CNTLN: variants seen among roughly 807,000 people sequenced by gnomAD.
CNTLN encodes centlein, centrosomal protein.
Under a neutral mutation model 180.0 loss-of-function variants are expected in CNTLN, and 212 were observed. That is an observed-to-expected ratio of 1.18 (90% CI 1.05 to 1.32). The LOEUF (loss-of-function observed/expected upper bound fraction) is 1.32, where lower values mean the gene tolerates loss of function less well. Among genes scored for constraint, CNTLN ranks in the 40% most tolerant of loss-of-function variants. The pLI, the probability that CNTLN is intolerant of heterozygous loss-of-function variation, is 0.00. For synonymous variants in CNTLN, 722 were observed against 563.1 expected (o/e 1.28, Z -3.99); for missense variants, 2,095 against 1,610.9 (o/e 1.30, Z -5.14).
At chr9:17,228,964 A>G (rs896555084) in intron 3 of CNTLN, among the ~76,000 whole-genome samples, 1 of 152,070 alleles carries the variant, frequency 6.6e-6, no homozygotes, top group Admixed American at 6.6e-5. Context: ...AATTCCATTT[A>G]GAGATTTTTA....
chr9:17,432,852 C>A lies in CNTLN; in HGVS notation c.3114+16663C>A, dbSNP rs142508429. Among the ~76,000 whole-genome samples, 1,222 of 151,628 alleles carry A rather than the reference C, an allele frequency of 8.1e-3. 13 individuals carry two copies. Among genetic ancestry groups the A allele is most frequent in the Non-Finnish European group, 0.012 (832 of 67,836 alleles). On this transcript the variant is annotated intron_variant, in intron 18 of 25. Coordinates refer to ENST00000380647, the MANE Select transcript of CNTLN (RefSeq NM_017738.4). ...CTGACCAACATAGCAAAACCCCGTC[C>A]CTACTAAAAATACAAACAATTAGCC...
chr9:17,434,484 A>G (rs1287741678), intron 18 of CNTLN, among the ~76,000 whole-genome samples: 1 of 151,978 alleles, frequency 6.6e-6, no homozygotes, highest in Non-Finnish European at 1.5e-5. Context: ...TGACTTGTGT[A>G]TTATTTAAAA....
intron 16 of CNTLN, among the ~76,000 whole-genome samples, chr9:17,413,846 A>G (rs571392985): frequency 1.3e-5 from 2 of 152,322 alleles, no homozygotes; most frequent in African/African-American, 2.4e-5. Flanking sequence ...CAACCCAGCT[A>G]TCACACCCTT....
At chr9:17,147,022 C>A (rs1370532137) in intron 2 of CNTLN, among the ~76,000 whole-genome samples, 1 of 152,102 alleles carries the variant, frequency 6.6e-6, no homozygotes, top group Non-Finnish European at 1.5e-5. Flanking sequence ...GTATAATGAA[C>A]CTTCACTGCC....
intron 7 of CNTLN, among the ~76,000 whole-genome samples, chr9:17,306,312 G>C (rs999109753): frequency 1.3e-5 from 2 of 152,012 alleles, no homozygotes; most frequent in African/African-American, 4.8e-5. Flanking sequence ...ACCATGCCCA[G>C]CTAATTTTGT....
chr9:17,457,553 G>A lies in CNTLN; in HGVS notation c.3144G>A (p.Arg1048=), dbSNP rs1365567928. ...TAAATTTGGATTTGGCTGGGCTTCG[G>A]AAAGAAAAAGAAGATTTACTAAAGA... ...KKLNLDLAGL[R]KEKEDLLKKL... The change falls in exon 19 of 26, where the codon CGG becomes CGA. Residue 1048 remains arginine (R), a synonymous_variant. Transcript: ENST00000380647. The A allele has an allele frequency of 6.6e-7, 1 of 1,508,886 alleles. No homozygotes were observed. Among genetic ancestry groups the A allele is most frequent in the Non-Finnish European group, 8.9e-7 (1 of 1,126,164 alleles). 93.5% of individuals were successfully genotyped at this position (1,508,886 alleles called of 1,614,324 possible).
At chr9:17,335,424 G>C (rs1230279408) in intron 10 of CNTLN, among the ~76,000 whole-genome samples, 1 of 152,056 alleles carries the variant, frequency 6.6e-6, no homozygotes, top group African/African-American at 2.4e-5. Context: ...GGCTGAGGCA[G>C]GAGAATTGCT....
the CNTLN span, among the ~76,000 whole-genome samples, chr9:17,523,456 C>T: frequency 3.3e-5 from 5 of 152,114 alleles, no homozygotes; most frequent in South Asian, 2.1e-4. Context: ...AGGCTCATCT[C>T]GAGCTCCTGA....
rs1820522459 is a variant in CNTLN at position 17,173,233 on chromosome 9, A to G, written c.449+29857A>G. ...TATTACTTTAATTTTAATGTAAAAT[A>G]TCTCATTGGAAATTTCATGTCTTCT... is the stretch of plus-strand genomic sequence containing the variant. On this transcript the variant is annotated intron_variant, in intron 2 of 25. Transcript: ENST00000380647. Among the ~76,000 whole-genome samples the G allele has an allele frequency of 2.0e-5, 3 of 152,196 alleles. No homozygotes were observed. In the South Asian group the frequency reaches 6.2e-4, roughly 31 times the overall value.
At chr9:17,269,095 A>G (rs1827742617) in intron 5 of CNTLN, among the ~76,000 whole-genome samples, 1 of 152,086 alleles carries the variant, frequency 6.6e-6, no homozygotes, top group Non-Finnish European at 1.5e-5. Flanking sequence ...GGTACCTCAG[A>G]TGGAAATGCA....
At chr9:17,465,512 TTACA>T (rs1296916402) in intron 21 of CNTLN, among the ~76,000 whole-genome samples, 1 of 150,336 alleles carries the variant, frequency 6.7e-6, no homozygotes, top group Non-Finnish European at 1.5e-5. Flanking sequence ...ATGCTTTGAG[TTACA>T]TACACATATT....
intron 2 of CNTLN, among the ~76,000 whole-genome samples, chr9:17,192,907 A>G (rs1420541338): frequency 6.6e-6 from 1 of 152,200 alleles, no homozygotes; most frequent in Non-Finnish European, 1.5e-5. Flanking sequence ...AAAGCAGTTC[A>G]GTTGGACTTA....
chr9:17,417,505 A>G (rs1828355331), intron 18 of CNTLN, among the ~76,000 whole-genome samples: 2 of 152,098 alleles, frequency 1.3e-5, no homozygotes, highest in Non-Finnish European at 2.9e-5. Flanking sequence ...TATACAAAAA[A>G]CATTTGAACT....
intron 13 of CNTLN, among the ~76,000 whole-genome samples, chr9:17,379,283 G>T (rs1825035124): frequency 6.6e-6 from 1 of 151,724 alleles, no homozygotes; most frequent in Admixed American, 6.6e-5. Context: ...TTAAACTTGG[G>T]TAGTTTCCTT....
chr9:17,409,320 A>T lies in CNTLN; in HGVS notation c.2643A>T (p.Gln881His). ...SSSDSEAQTS[Q>H]TLGTIIVETS... ...GTGATTCTGAAGCACAGACCTCTCAAACTTTGGGAACAATTATTGTAGAAA... is the reference window on the plus strand; with the variant it reads ...GTGATTCTGAAGCACAGACCTCTCATACTTTGGGAACAATTATTGTAGAAA... The change falls in exon 16 of 26, where the codon CAA becomes CAT. Residue 881 changes from glutamine to histidine, a missense_variant. By Grantham distance (24) the Gln-to-His change is conservative (BLOSUM62 0). Transcript: ENST00000380647. The T allele has an allele frequency of 6.2e-7, 1 of 1,612,810 alleles. No individual in the cohort carries two copies. The highest frequency in any genetic ancestry group is 8.5e-7 in the Non-Finnish European group (1 of 1,179,544).
At chr9:17,215,787 A>G (rs1368289862) in intron 2 of CNTLN, among the ~76,000 whole-genome samples, 1 of 152,100 alleles carries the variant, frequency 6.6e-6, no homozygotes, top group Non-Finnish European at 1.5e-5. Flanking sequence ...GCCACCTTGC[A>G]GTTCGATCTC....
intron 19 of CNTLN, among the ~76,000 whole-genome samples, chr9:17,459,011 A>G (rs1831298586): frequency 6.6e-6 from 1 of 151,794 alleles, no homozygotes; most frequent in Non-Finnish European, 1.5e-5. Context: ...ATAGACTTTA[A>G]TTCTTACTTC....
chr9:17,446,682 C>T (rs1215591106), intron 18 of CNTLN, among the ~76,000 whole-genome samples: 2 of 152,124 alleles, frequency 1.3e-5, no homozygotes, highest in South Asian at 2.1e-4. Flanking sequence ...ACTGATGCCT[C>T]TCTTTTGAAG....
At chr9:17,156,496 C>G (rs1819299549) in intron 2 of CNTLN, among the ~76,000 whole-genome samples, 1 of 152,022 alleles carries the variant, frequency 6.6e-6, no homozygotes, top group Non-Finnish European at 1.5e-5. Flanking sequence ...CCTCTTCCAT[C>G]TTTCTCTTAC....
Sources: allele counts gnomAD v4.1 joint callset (sites outside exome capture counted in the v4.1 genomes callset), GRCh38; gene constraint gnomAD v4.1.1; transcripts MANE v1.5; gene names NCBI Gene and HGNC (gene_info 2026-07-23, HGNC 2026-07-21).